Variants in ZNF707 observed in about 807,000 individuals in gnomAD.
ZNF707 encodes the protein zinc finger protein 707.
In ZNF707, 8 loss-of-function variants were observed where a neutral mutation model predicts 13.3. That is an observed-to-expected ratio of 0.60 (90% confidence interval 0.35 to 1.09). The LOEUF is 1.09. Ranked by LOEUF, ZNF707 falls within the 50% of genes least tolerant of loss-of-function variation. ZNF707 has a pLI of 0.02. For synonymous variants in ZNF707, 225 were observed against 205.6 expected (o/e 1.09, Z -0.81); for missense variants, 530 against 512.6 (o/e 1.03, Z -0.33).
Position 143,693,992 on chromosome 8 carries a change from C to T in ZNF707, c.578C>T (p.Ala193Val), listed in dbSNP as rs1817092103. The T allele has an allele frequency of 6.2e-7, 1 of 1,603,740 alleles. No individual in the cohort carries two copies. Among genetic ancestry groups the T allele is most frequent in the Non-Finnish European group, 8.5e-7 (1 of 1,176,630 alleles). ...KALSCHSRLL[A>V]HQTVHTGTKA... Reference sequence around the variant, plus strand: ...CTCAGCTGCCACAGCCGGCTGCTCGCTCACCAGACGGTGCACACGGGAACC... The same window carrying T: ...CTCAGCTGCCACAGCCGGCTGCTCGTTCACCAGACGGTGCACACGGGAACC... Residue 193 changes from alanine (A) to valine (V), a missense_variant, in exon 6 of 6, where the codon GCT (alanine) becomes GTT (valine). Coordinates refer to ENST00000358656, the MANE Select transcript of ZNF707 (RefSeq NM_001100598.2). This position sits in a 1 kb window ranked among gnomAD's most constrained non-coding sequence, Gnocchi z 4.1.
At chr8:143,688,675 C>G (rs1426215709) in intron 1 of ZNF707, 1 of 119,598 alleles carries the variant, frequency 8.4e-6, no homozygotes, top group Non-Finnish European at 1.6e-5. Context: ...GCGTCTCAGT[C>G]TAACATCCAG....
chr8:143,690,233 C>A, intron 3 of ZNF707, 110 bp downstream of exon 3: 3 of 1,414,828 alleles, frequency 2.1e-6, no homozygotes, highest in Admixed American at 3.9e-5. Flanking sequence ...GGCACTGTGC[C>A]CGTGTCTGCC....
rs180875977 is a variant in ZNF707, at chr8:143,693,739, G to T, written c.325G>T (p.Val109Leu). ...HPAWAHKKTH[V>L]RRERAREGSS... is the part of the protein sequence containing the mutation. ...AGCTTGGGCTCACAAGAAAACCCACGTGCGGCGAGAAAGAGCCAGGGAAGG... is the reference window on the plus strand; with the variant it reads ...AGCTTGGGCTCACAAGAAAACCCACTTGCGGCGAGAAAGAGCCAGGGAAGG... Residue 109 changes from valine to leucine, a missense_variant, in exon 6 of 6, where the codon GTG becomes TTG. By Grantham distance (32) the Val-to-Leu change is conservative. Transcript: ENST00000358656. This position sits in a 1 kb window ranked among gnomAD's most constrained non-coding sequence, Gnocchi z 4.1. 6.2e-7 allele frequency: 1 copy of T among 1,612,906 alleles called. No homozygotes were observed. The highest frequency in any genetic ancestry group is 1.7e-5 in the Admixed American group (1 of 59,980).
In ZNF707 at chr8:143,693,288, T is replaced by TC. The variant is rs1328198679; in HGVS notation, c.257-383_257-382insC. ...CAGCAGGAGGGTCCTCTGGGCTTTTTTTTTTTTTTTGAGACGGAGTCTCGC... is the reference window on the plus strand; with the variant it reads ...CAGCAGGAGGGTCCTCTGGGCTTTTTCTTTTTTTTTTGAGACGGAGTCTCGC... On this transcript the variant is annotated intron_variant, in intron 5 of 5. Coordinates refer to ENST00000358656, the MANE Select transcript of ZNF707 (RefSeq NM_001100598.2). This position sits in a 1 kb window ranked among gnomAD's most constrained non-coding sequence, Gnocchi z 4.1. Among the ~76,000 whole-genome samples the TC allele has an allele frequency of 6.6e-6, 1 of 151,728 alleles. No homozygotes were observed. The highest frequency in any genetic ancestry group is 1.9e-4 in the East Asian group (1 of 5,164).
At chr8:143,691,746 C>T in intron 5 of ZNF707, 33 bp downstream of exon 5, 4 of 1,527,124 alleles carry the variant, frequency 2.6e-6, no homozygotes, top group Non-Finnish European at 3.6e-6. Context: ...TCGGCGGGCC[C>T]CGTCCCTGTG....
In ZNF707 at chr8:143,694,566, G is replaced by C. The variant is rs1817171986; in HGVS notation, c.*36G>C. 1 of 1,547,964 alleles carries C rather than the reference G, an allele frequency of 6.5e-7. No homozygotes were observed. The highest frequency in any genetic ancestry group is 1.4e-5 in the African/African-American group (1 of 73,570). ...AGAGTGGGGTGCTGCGCCTCTGCGGGAGTACTGGGTCCTGAGGGAGAGCTG... is the reference window on the plus strand; with the variant it reads ...AGAGTGGGGTGCTGCGCCTCTGCGGCAGTACTGGGTCCTGAGGGAGAGCTG... On this transcript the variant is annotated 3_prime_UTR_variant, in exon 6 of 6. Transcript: ENST00000358656. This position sits in a 1 kb window ranked among gnomAD's most constrained non-coding sequence, Gnocchi z 4.4.
rs782652404 is a variant in ZNF707, at chr8:143,694,347, C to T, written c.933C>T (p.Ser311=). The T allele has an allele frequency of 2.5e-6, 4 of 1,608,690 alleles. No homozygotes were observed. The African/African-American group carries it at 4.0e-5, about 16-fold the overall frequency. Residue 311 remains serine, a synonymous_variant, in exon 6 of 6, where the codon AGC becomes AGT. Coordinates refer to ENST00000358656, the MANE Select transcript of ZNF707 (RefSeq NM_001100598.2). The surrounding 1 kb of genome is among the most constrained non-coding windows in gnomAD (Gnocchi z 4.4). ...ENLSHHQRVH[S]GEKPYTCAEC... ...TCAGCCACCACCAGAGGGTCCACAG[C>T]GGGGAGAAGCCCTACACCTGTGCCG...
rs1305569012 is a variant in ZNF707, at chr8:143,691,870, G to A, written c.256+157G>A. 8.4e-6 allele frequency: 8 copies of A among 947,366 alleles called. No homozygotes were observed. The East Asian group carries it at 1.8e-4, about 22-fold the overall frequency. The allele number at this position is 947,366 out of a possible 1,614,324, so 58.7% of individuals were successfully genotyped here. On this transcript the variant is annotated intron_variant, in intron 5 of 5. Transcript: ENST00000358656. ...AATTAGACAGGCATTAGAGACGTAG[G>A]GGCAGCCACGCTCCTGCCCTGATGG...
chr8:143,690,582 AG>A (rs1340166013), intron 3 of ZNF707, among the ~76,000 whole-genome samples: 2 of 152,160 alleles, frequency 1.3e-5, no homozygotes, highest in African/African-American at 2.4e-5. Context: ...AAAAAAGAAA[AG>A]AAAATTGGAT....
Position 143,691,126 on chromosome 8 carries a change from G to A in ZNF707, c.69G>A (p.Ala23=), listed in dbSNP as rs34187159. 5,352 of 1,613,832 alleles carry A rather than the reference G, an allele frequency of 3.3e-3. 186 individuals are homozygous for A. In the African/African-American group the frequency reaches 0.062, roughly 19 times the overall value. Residue 23 remains alanine, a synonymous_variant, in exon 4 of 6, where the codon GCG becomes GCA. Transcript: ENST00000358656. ...VAIYFSREEW[A]CLEPSQRALY... ...TCTACTTCTCAAGGGAGGAGTGGGC[G>A]TGTCTGGAACCCAGCCAGAGGGCCC...
chr8:143,691,191 C>T lies in ZNF707; in HGVS notation c.134C>T (p.Ala45Val). 6.2e-7 allele frequency: 1 copy of T among 1,612,268 alleles called. No homozygotes were observed. The highest frequency in any genetic ancestry group is 8.5e-7 in the Non-Finnish European group (1 of 1,178,834). Residue 45 changes from alanine to valine, a missense_variant, in exon 4 of 6, where the codon GCT becomes GTT. Coordinates refer to ENST00000358656, the MANE Select transcript of ZNF707 (RefSeq NM_001100598.2). The stretch of plus-strand genomic sequence containing the variant: ...ATGCTGGACAACTTCAGCAGTGTGG[C>T]TGCTCTGGGTGAGCACGGGCTGAGC... ...DVMLDNFSSV[A>V]ALGFCSPRPD...
chr8:143,694,842 C>T lies in ZNF707; in HGVS notation c.*312C>T. The T allele has an allele frequency of 6.6e-6, 2 of 303,250 alleles. No homozygotes were observed. The highest frequency in any genetic ancestry group is 5.4e-5 in the East Asian group (1 of 18,484). 18.8% of individuals were successfully genotyped at this position (303,250 alleles called of 1,614,324 possible). A position where few individuals can be genotyped will look rare whatever the true frequency, so the allele number is the denominator to read the frequency against. On this transcript the variant is annotated 3_prime_UTR_variant, in exon 6 of 6. Transcript: ENST00000358656. The surrounding 1 kb of genome is among the most constrained non-coding windows in gnomAD (Gnocchi z 4.4). ...CCACGTGCCAGGCCGGGCTCAGAGG[C>T]GGAGAAGCCTGCCTGGTGCCCACAG...
rs531962800 is a variant in ZNF707, at chr8:143,693,700, C to G, written c.286C>G (p.Pro96Ala). ...AAGGAAGTCTGCAGACCCCAAGAGACCTTGTGATCATCCAGCTTGGGCTCA... is the reference window on the plus strand; with the variant it reads ...AAGGAAGTCTGCAGACCCCAAGAGAGCTTGTGATCATCCAGCTTGGGCTCA... ...GARKSADPKR[P>A]CDHPAWAHKK... Residue 96 changes from proline to alanine, a missense_variant, in exon 6 of 6, where the codon CCT becomes GCT. By Grantham distance (27) the Pro-to-Ala change is conservative (BLOSUM62 -1). Coordinates refer to ENST00000358656, the MANE Select transcript of ZNF707 (RefSeq NM_001100598.2). The surrounding 1 kb of genome is among the most constrained non-coding windows in gnomAD (Gnocchi z 4.1). 23 of 1,606,266 alleles carry G rather than the reference C, an allele frequency of 1.4e-5. No individual in the cohort carries two copies. The highest frequency in any genetic ancestry group is 1.9e-5 in the Non-Finnish European group (22 of 1,176,478).
At chr8:143,686,632 C>T (rs1387797893) in intron 1 of ZNF707, among the ~76,000 whole-genome samples, 1 of 151,954 alleles carries the variant, frequency 6.6e-6, no homozygotes, top group Non-Finnish European at 1.5e-5. Context: ...GGAATATTTT[C>T]TCTTAGTCTG....
intron 3 of ZNF707, chr8:143,690,566 G>GA (rs544640752): frequency 0.041 from 6,892 of 168,786 alleles, 93 homozygotes; most frequent in Non-Finnish European, 0.059. Flanking sequence ...TCTCAAAAAA[G>GA]AAAAAAAAAA....
intron 3 of ZNF707, 121 bp from the exon 4 acceptor site, chr8:143,690,952 T>A: frequency 7.7e-7 from 1 of 1,296,006 alleles, no homozygotes. Flanking sequence ...TGAATGGATT[T>A]AGGGGACACA....
intron 3 of ZNF707, 38 bp downstream of exon 3, chr8:143,690,161 C>G: frequency 6.2e-7 from 1 of 1,600,722 alleles, no homozygotes; most frequent in Non-Finnish European, 8.5e-7. Flanking sequence ...CTCCCTTCTG[C>G]CCTGCTGGCT....
At chr8:143,690,176 G>A in intron 3 of ZNF707, 53 bp downstream of exon 3, 1 of 1,598,056 alleles carries the variant, frequency 6.3e-7, no homozygotes, top group Non-Finnish European at 8.5e-7. Context: ...CTGGCTGCCT[G>A]AGACCCCAGC....
chr8:143,688,432 A>G (rs1013550934), intron 1 of ZNF707, among the ~76,000 whole-genome samples: 1 of 152,064 alleles, frequency 6.6e-6, no homozygotes, highest in African/African-American at 2.4e-5. Flanking sequence ...CGCCCCATGC[A>G]GTGAGTGTTG....
Sources: allele counts gnomAD v4.1 joint callset (sites outside exome capture counted in the v4.1 genomes callset), GRCh38; gene constraint gnomAD v4.1.1; non-coding constraint Gnocchi (gnomAD v3.1); transcripts MANE v1.5; gene names NCBI Gene and HGNC (gene_info 2026-07-23, HGNC 2026-07-21).